The following ASIC2 variants were observed in gnomAD, a reference collection of about 807,000 sequenced individuals.
ASIC2 encodes the protein acid-sensing ion channel 2.
Under a neutral mutation model 57.3 loss-of-function variants are expected in ASIC2, and 25 were observed. The ratio of observed to expected loss-of-function variants is 0.44; its 90% CI spans 0.32 to 0.61. ASIC2 has a LOEUF of 0.61. ASIC2 is among the 20% of genes least tolerant of loss of function. The pLI, the probability that ASIC2 is intolerant of heterozygous loss-of-function variation, is 0.06. For synonymous variants in ASIC2, 319 were observed against 307.5 expected (o/e 1.04, Z -0.39); for missense variants, 641 against 738.1 (o/e 0.87, Z 1.52).
At chr17:33,974,696 C>A (rs1905322600) in intron 1 of ASIC2, among the ~76,000 whole-genome samples, 1 of 151,990 alleles carries the variant, frequency 6.6e-6, no homozygotes, top group African/African-American at 2.4e-5. Flanking sequence ...ATCCTAGATA[C>A]TCAGAGGTTC....
At chr17:33,136,281 G>A (rs1597597124) in intron 1 of ASIC2, among the ~76,000 whole-genome samples, 1 of 152,338 alleles carries the variant, frequency 6.6e-6, no homozygotes, top group Admixed American at 6.5e-5. Context: ...TGCCTCTGGT[G>A]TTCTCAAGAT....
chr17:33,349,428 T>C (rs115578769), intron 1 of ASIC2, among the ~76,000 whole-genome samples: 104 of 152,216 alleles, frequency 6.8e-4, no homozygotes, highest in African/African-American at 2.5e-3. Context: ...AGCTTGGCCT[T>C]TGGCACTAGA....
At chr17:34,125,400 G>GAAGT (rs1452486939) in intron 1 of ASIC2, among the ~76,000 whole-genome samples, 1 of 152,172 alleles carries the variant, frequency 6.6e-6, no homozygotes, top group East Asian at 1.9e-4. Flanking sequence ...GAAGACAACT[G>GAAGT]AAGGTCTTAA....
chr17:34,026,048 G>A (rs765097505), intron 1 of ASIC2, among the ~76,000 whole-genome samples: 2 of 152,144 alleles, frequency 1.3e-5, no homozygotes, highest in Admixed American at 6.5e-5. Context: ...GATAGCCTAC[G>A]CAAAGGTTAA....
At chr17:33,085,356 T>C (rs992615943) in intron 3 of ASIC2, among the ~76,000 whole-genome samples, 4 of 152,154 alleles carry the variant, frequency 2.6e-5, no homozygotes, top group Non-Finnish European at 1.5e-5. Context: ...ACTTAATTGA[T>C]TGTAAAACGA....
rs546950464 is a variant in ASIC2, at chr17:33,277,756, C to T, written c.708+13652G>A. Reference sequence around the variant, plus strand: ...TTAGACAGGGATATGTGATTGGGTTCCTCCTGCTGCAGTTTTTTCCCATTC... The same window carrying T: ...TTAGACAGGGATATGTGATTGGGTTTCTCCTGCTGCAGTTTTTTCCCATTC... On this transcript the variant is annotated intron_variant, in intron 1 of 9. Transcript: ENST00000225823. Among the ~76,000 whole-genome samples, 6 of 152,252 alleles carry T rather than the reference C, an allele frequency of 3.9e-5. No homozygotes were observed. The South Asian group carries it at 1.2e-3, about 32-fold the overall frequency.
At chr17:33,566,256 T>C (rs1916230695) in intron 1 of ASIC2, among the ~76,000 whole-genome samples, 1 of 152,174 alleles carries the variant, frequency 6.6e-6, no homozygotes, top group Non-Finnish European at 1.5e-5. Context: ...TTTGGTTGGT[T>C]TTAGTGTTAA....
At chr17:33,533,639 T>C (rs1320754833) in intron 1 of ASIC2, 2 of 152,190 alleles carry the variant, frequency 1.3e-5, no homozygotes, top group African/African-American at 4.8e-5. Context: ...GCCCCATGGA[T>C]TGCCTGGAAT....
At chr17:33,579,558 C>A (rs931851562) in intron 1 of ASIC2, among the ~76,000 whole-genome samples, 1 of 152,148 alleles carries the variant, frequency 6.6e-6, no homozygotes, top group Non-Finnish European at 1.5e-5. Context: ...AATGAAAGGG[C>A]AGACCCTACT....
intron 1 of ASIC2, chr17:34,071,314 C>G (rs1479640539): frequency 2.0e-5 from 3 of 152,210 alleles, no homozygotes; most frequent in Middle Eastern, 6.8e-3. Flanking sequence ...CTTGGTGGGC[C>G]TCATCCTTCC....
rs371599681 is a variant in ASIC2, at chr17:34,128,390, C to T, written c.555+27588G>A. Among the ~76,000 whole-genome samples, 20 of 148,478 alleles carry T rather than the reference C, an allele frequency of 1.3e-4. 1 individual carries two copies. The highest frequency in any genetic ancestry group is 5.1e-4 in the African/African-American group (20 of 39,418). On this transcript the variant is annotated intron_variant, in intron 1 of 9. Transcript: ENST00000359872. The stretch of plus-strand genomic sequence containing the variant: ...CTGTTCTTGTAATGCATCAAGGGAA[C>T]CATGAACCTCCCTGGTCCCACTGTG...
At chr17:33,521,238 C>T (rs1011491553) in intron 1 of ASIC2, among the ~76,000 whole-genome samples, 1 of 152,120 alleles carries the variant, frequency 6.6e-6, no homozygotes, top group African/African-American at 2.4e-5. Context: ...AGGGGCTCAA[C>T]ACTGTCGTCG....
chr17:34,106,502 T>C (rs1199092443), intron 1 of ASIC2, among the ~76,000 whole-genome samples: 2 of 152,166 alleles, frequency 1.3e-5, no homozygotes, highest in African/African-American at 4.8e-5. Flanking sequence ...CCCTCTCCTG[T>C]ATGTCTGCAT....
chr17:34,017,491 A>G (rs1379419102), intron 1 of ASIC2, among the ~76,000 whole-genome samples: 1 of 152,260 alleles, frequency 6.6e-6, no homozygotes. Flanking sequence ...ACTTTAAATG[A>G]AAAGCTAGAA....
intron 1 of ASIC2, among the ~76,000 whole-genome samples, chr17:33,195,570 T>C (rs1449012891): frequency 2.0e-5 from 3 of 152,206 alleles, no homozygotes; most frequent in Admixed American, 6.5e-5. Context: ...GGCCATCAAC[T>C]TTTTTACATT....
At chr17:33,885,575 A>G (rs1270350328) in intron 1 of ASIC2, among the ~76,000 whole-genome samples, 1 of 152,242 alleles carries the variant, frequency 6.6e-6, no homozygotes, top group Admixed American at 6.5e-5. Context: ...AATGACATAC[A>G]GTAAGTTATG....
chr17:33,867,077 G>A (rs1457589706), intron 1 of ASIC2, among the ~76,000 whole-genome samples: 1 of 152,192 alleles, frequency 6.6e-6, no homozygotes, highest in Non-Finnish European at 1.5e-5. Context: ...GTTGGAATCT[G>A]GGAAACAGAG....
intron 1 of ASIC2, among the ~76,000 whole-genome samples, chr17:33,798,767 A>G (rs1342269283): frequency 6.6e-6 from 1 of 152,166 alleles, no homozygotes; most frequent in African/African-American, 2.4e-5. Context: ...CAGCATTTCC[A>G]CTATCTAATG....
At position 33,856,102 on chromosome 17, in the gene ASIC2, A is replaced by T. The variant is rs114932797; in HGVS notation, c.555+299876T>A. ...GCATTACATTATGATACCACAATAG[A>T]AGAGTGTACACAAGGCACTGTACAC... On this transcript the variant is annotated intron_variant, in intron 1 of 9. Coordinates refer to the ASIC2 transcript ENST00000359872. 9.4e-3 allele frequency among the ~76,000 whole-genome samples: 1,437 copies of T among 152,270 alleles called. 28 individuals are homozygous for T. Among genetic ancestry groups the T allele is most frequent in the African/African-American group, 0.032 (1,337 of 41,548 alleles).
Sources: allele counts gnomAD v4.1 joint callset (sites outside exome capture counted in the v4.1 genomes callset), GRCh38; gene constraint gnomAD v4.1.1; transcripts MANE v1.5; gene names NCBI Gene and HGNC (gene_info 2026-07-23, HGNC 2026-07-21).